RNF17: variants seen among roughly 807,000 people sequenced by gnomAD.
RNF17 encodes the protein spermatogenesis associated 23.
In RNF17, 31 loss-of-function variants were observed where a neutral mutation model predicts 200.5. That is an observed-to-expected ratio of 0.15 (90% CI 0.12 to 0.21). The LOEUF is 0.21. RNF17 is among the 10% of genes least tolerant of loss of function. The probability of loss-of-function intolerance (pLI) is 1.00; values close to 1 mark genes in which losing one functional copy is unlikely to be tolerated. For synonymous variants in RNF17, 606 were observed against 637.8 expected, an observed-to-expected ratio of 0.95 and a Z score of 0.75; for missense variants, 1,628 against 1,905.1, an observed-to-expected ratio of 0.85 and a Z score of 2.71.
chr13:24,775,350 A>G (rs1289940557), intron 3 of RNF17, among the ~76,000 whole-genome samples: 1 of 152,168 alleles, frequency 6.6e-6, no homozygotes, highest in Non-Finnish European at 1.5e-5. Flanking sequence ...CCTGGTCTCA[A>G]GCTAGCCTCT....
At chr13:24,828,148 C>G (rs947920934) in intron 16 of RNF17, among the ~76,000 whole-genome samples, 1 of 152,144 alleles carries the variant, frequency 6.6e-6, no homozygotes, top group Admixed American at 6.5e-5. Flanking sequence ...GGATTATTGG[C>G]TTGAAAATGT....
intron 32 of RNF17, among the ~76,000 whole-genome samples, chr13:24,872,534 C>G (rs1340409365): frequency 8.1e-6 from 1 of 123,686 alleles, no homozygotes; most frequent in Non-Finnish European, 1.8e-5. Context: ...CTCATTGGTA[C>G]ACTTTTTTTT....
At chr13:24,793,370 G>A in intron 10 of RNF17, 24 bp downstream of exon 10, 2 of 1,553,792 alleles carry the variant, frequency 1.3e-6, no homozygotes, top group Admixed American at 2.0e-5. Flanking sequence ...TAAAAGCAGA[G>A]GGGAAAGATC....
downstream of RNF17, among the ~76,000 whole-genome samples, chr13:24,880,469 G>A (rs1179937250): frequency 2.0e-5 from 3 of 152,178 alleles, no homozygotes; most frequent in African/African-American, 7.2e-5. Flanking sequence ...TCATATAAAT[G>A]TCTTTATAGT....
chr13:24,836,450 T>C (rs1378403158), intron 18 of RNF17, among the ~76,000 whole-genome samples: 1 of 152,200 alleles, frequency 6.6e-6, no homozygotes, highest in Non-Finnish European at 1.5e-5. Context: ...TTAAGAGCTG[T>C]GAGACAGAAG....
intron 2 of RNF17, among the ~76,000 whole-genome samples, chr13:24,770,977 A>T (rs1332248121): frequency 1.3e-5 from 2 of 152,222 alleles, no homozygotes; most frequent in Non-Finnish European, 2.9e-5. Flanking sequence ...AATTTGATGT[A>T]AAAAATGGCT....
chr13:24,774,793 A>G lies in RNF17; in HGVS notation c.226-20A>G, dbSNP rs1252249384. On this transcript the variant is annotated intron_variant, in intron 2 of 35. Coordinates refer to ENST00000255324, the MANE Select transcript of RNF17 (RefSeq NM_031277.3). ...ATTTATTGGGTGACTTTGTTTTTTT[A>G]AACCTTATTTTGTCCTAAGGTTGCT... The G allele has an allele frequency of 6.5e-7, 1 of 1,533,068 alleles. No homozygotes were observed. The highest frequency in any genetic ancestry group is 2.3e-5 in the East Asian group (1 of 44,368). The allele number at this position is 1,533,068 out of a possible 1,614,324, so 95.0% of individuals were successfully genotyped here.
Position 24,793,160 on chromosome 13 carries a change from G to C in RNF17, c.1054G>C (p.Val352Leu), listed in dbSNP as rs1341059766. Residue 352 changes from valine to leucine, a missense_variant, in exon 10 of 36, where the codon GTC becomes CTC. Transcript: ENST00000255324. ...AGAAAAGAAAAAGGTTGACATGTCT[G>C]TCCTAACCAGTGAAGCACCACCACC... ...PLEKKKVDMS[V>L]LTSEAPPPPL... 20 of 1,613,976 alleles carry C rather than the reference G, an allele frequency of 1.2e-5. No homozygotes were observed. The highest frequency in any genetic ancestry group is 1.5e-5 in the Non-Finnish European group (18 of 1,179,982).
At chr13:24,771,860 C>T (rs1461909365) in intron 2 of RNF17, among the ~76,000 whole-genome samples, 1 of 151,882 alleles carries the variant, frequency 6.6e-6, no homozygotes, top group Non-Finnish European at 1.5e-5. Flanking sequence ...CCAAATTAGC[C>T]AGGCATGGTG....
chr13:24,860,881 CTT>C (rs57385609), intron 26 of RNF17, among the ~76,000 whole-genome samples: 9 of 144,254 alleles, frequency 6.2e-5, no homozygotes, highest in Admixed American at 1.4e-4. Flanking sequence ...TTTCAGATGT[CTT>C]TTTTTTTTTT....
intron 6 of RNF17, among the ~76,000 whole-genome samples, chr13:24,786,854 G>A (rs1217821787): frequency 6.6e-6 from 1 of 152,054 alleles, no homozygotes; most frequent in Non-Finnish European, 1.5e-5. Flanking sequence ...ATAGATTCAT[G>A]TCTCATCAAA....
At chr13:24,818,991 C>CT (rs1460329219) in intron 15 of RNF17, among the ~76,000 whole-genome samples, 3 of 151,894 alleles carry the variant, frequency 2.0e-5, no homozygotes, top group South Asian at 4.2e-4. Flanking sequence ...TGTTTAGTTG[C>CT]TTTTTTCTTT....
At chr13:24,854,810 A>G (rs751265879) in intron 25 of RNF17, among the ~76,000 whole-genome samples, 3 of 152,222 alleles carry the variant, frequency 2.0e-5, no homozygotes, top group Non-Finnish European at 4.4e-5. Flanking sequence ...TGAAGTTACT[A>G]TAAAATGTTA....
chr13:24,872,865 T>TTCCCTCTA (rs754475649), intron 32 of RNF17, among the ~76,000 whole-genome samples: 18,727 of 151,910 alleles, frequency 0.12, 1,272 homozygotes, highest in Admixed American at 0.15. Context: ...TCAGGAAAAC[T>TTCCCTCTA]TTAGATGAAG....
Position 24,792,577 on chromosome 13 carries a change from G to A in RNF17, c.936-465G>A, listed in dbSNP as rs375027962. On this transcript the variant is annotated intron_variant, in intron 9 of 35. Transcript: ENST00000255324. ...AAAGAGACATTTAGATTGCAAGGTC[G>A]TGTACATATATATGACTCTCAGTTG... 3.9e-5 allele frequency among the ~76,000 whole-genome samples: 6 copies of A among 152,274 alleles called. No homozygotes were observed. In the South Asian group the frequency reaches 6.2e-4, roughly 16 times the overall value.
Position 24,774,808 on chromosome 13 carries a change from C to T in RNF17, c.226-5C>T. ...TTGTTTTTTTAAACCTTATTTTGTCCTAAGGTTGCTACAGCTGTAAATACT... is the reference window on the plus strand; with the variant it reads ...TTGTTTTTTTAAACCTTATTTTGTCTTAAGGTTGCTACAGCTGTAAATACT... On this transcript the variant is annotated splice_region_variant and splice_polypyrimidine_tract_variant and intron_variant, in intron 2 of 35. Transcript: ENST00000255324. 1 of 1,590,850 alleles carries T rather than the reference C, an allele frequency of 6.3e-7. No individual in the cohort carries two copies. Among genetic ancestry groups the T allele is most frequent in the Non-Finnish European group, 8.6e-7 (1 of 1,162,234 alleles).
chr13:24,883,534 G>A (rs911704045), downstream of RNF17, among the ~76,000 whole-genome samples: 2 of 152,102 alleles, frequency 1.3e-5, no homozygotes, highest in Non-Finnish European at 2.9e-5. Flanking sequence ...CTGCTTCATG[G>A]TGATAGTTCC....
intron 6 of RNF17, among the ~76,000 whole-genome samples, chr13:24,786,504 A>C (rs75222847): frequency 0.019 from 2,943 of 152,298 alleles, 81 homozygotes; most frequent in African/African-American, 0.066. Flanking sequence ...TATTTTTATC[A>C]TTGTATGGCT....
At chr13:24,783,293 G>A (rs748502835) in intron 6 of RNF17, among the ~76,000 whole-genome samples, 1 of 152,094 alleles carries the variant, frequency 6.6e-6, no homozygotes, top group Admixed American at 6.6e-5. Context: ...TTTGACTACT[G>A]TTGTTTTGTA....
Sources: gnomAD v4.1 joint callset for allele counts (sites outside exome capture counted in the v4.1 genomes callset) on GRCh38, gnomAD v4.1.1 for gene constraint, MANE v1.5 for transcripts, NCBI Gene and HGNC (gene_info 2026-07-23, HGNC 2026-07-21) for gene names.